Variants in PDZRN4 observed in about 807,000 individuals in gnomAD.
PDZRN4 encodes the protein PDZ domain containing ring finger 4, also known as PDZ domain-containing RING finger protein 4.
Under a neutral mutation model 99.0 loss-of-function variants are expected in PDZRN4, and 70 were observed. The observed-to-expected ratio is 0.71, with a 90% CI of 0.58 to 0.86. The LOEUF is 0.86. Among genes scored for constraint, PDZRN4 ranks in the 40% least tolerant of loss-of-function variants. The pLI is 0.00. For synonymous variants in PDZRN4, 551 were observed against 501.6 expected, an observed-to-expected ratio of 1.10 and a Z score of -1.32; for missense variants, 1,474 against 1,331.2, an observed-to-expected ratio of 1.11 and a Z score of -1.67.
intron 3 of PDZRN4, among the ~76,000 whole-genome samples, chr12:41,245,079 T>G (rs1951126132): frequency 6.6e-6 from 1 of 152,186 alleles, no homozygotes; most frequent in Non-Finnish European, 1.5e-5. Context: ...CCATATAAGA[T>G]AGCATTCCTA....
intron 3 of PDZRN4, among the ~76,000 whole-genome samples, chr12:41,240,645 G>A (rs943574690): frequency 1.3e-5 from 2 of 152,144 alleles, no homozygotes; most frequent in African/African-American, 4.8e-5. Flanking sequence ...TCACAGTTCT[G>A]GAGGCTGGGA....
intron 3 of PDZRN4, among the ~76,000 whole-genome samples, chr12:41,292,040 G>A (rs1565543529): frequency 6.6e-6 from 1 of 152,136 alleles, no homozygotes; most frequent in Non-Finnish European, 1.5e-5. Context: ...TTCATCAGAG[G>A]TGAATCAATT....
chr12:41,385,964 A>G (rs977422595), intron 3 of PDZRN4, among the ~76,000 whole-genome samples: 1 of 152,228 alleles, frequency 6.6e-6, no homozygotes, highest in Non-Finnish European at 1.5e-5. Context: ...AAGCTCATCT[A>G]CCACAATCAA....
chr12:41,278,477 T>C (rs1951363984), intron 3 of PDZRN4, among the ~76,000 whole-genome samples: 1 of 152,174 alleles, frequency 6.6e-6, no homozygotes, highest in Non-Finnish European at 1.5e-5. Context: ...AACGATTACA[T>C]TGAAAGAGCA....
chr12:41,302,935 T>TACACACACAC (rs71846165), intron 3 of PDZRN4, among the ~76,000 whole-genome samples: 17 of 127,226 alleles, frequency 1.3e-4, no homozygotes, highest in African/African-American at 4.3e-4. Flanking sequence ...ATATATAAAA[T>TACACACACAC]ACACACACAC....
chr12:41,449,556 T>G (rs1952757795), intron 3 of PDZRN4, among the ~76,000 whole-genome samples: 2 of 152,280 alleles, frequency 1.3e-5, no homozygotes, highest in South Asian at 4.1e-4. Context: ...GTAATGGATG[T>G]GCACGCAAAT....
intron 3 of PDZRN4, among the ~76,000 whole-genome samples, chr12:41,325,793 A>G (rs1951705682): frequency 6.6e-6 from 1 of 152,204 alleles, no homozygotes; most frequent in Admixed American, 6.5e-5. Flanking sequence ...CATTATTCCC[A>G]ACATGGAACA....
chr12:41,202,864 A>G (rs2120669632), intron 3 of PDZRN4, among the ~76,000 whole-genome samples: 2 of 152,230 alleles, frequency 1.3e-5, no homozygotes, highest in East Asian at 1.9e-4. Context: ...GCAATTTAGT[A>G]TAGAATACCT....
intron 3 of PDZRN4, among the ~76,000 whole-genome samples, chr12:41,282,973 C>G (rs565446311): frequency 7.2e-5 from 11 of 152,120 alleles, no homozygotes; most frequent in Admixed American, 5.9e-4. Flanking sequence ...ACTAGAGAAG[C>G]AAGAGCAAAC....
chr12:41,240,412 T>TA (rs1383479764), intron 3 of PDZRN4, among the ~76,000 whole-genome samples: 1 of 152,220 alleles, frequency 6.6e-6, no homozygotes, highest in Non-Finnish European at 1.5e-5. Flanking sequence ...AGTAAAAAGC[T>TA]AAAATCTAAA....
chr12:41,324,076 G>C (rs1951695602), intron 3 of PDZRN4, among the ~76,000 whole-genome samples: 1 of 151,992 alleles, frequency 6.6e-6, no homozygotes, highest in Non-Finnish European at 1.5e-5. Context: ...ATAGGATGTT[G>C]TTTGTTACAG....
intron 5 of PDZRN4, among the ~76,000 whole-genome samples, chr12:41,510,794 C>T (rs2120685856): frequency 6.6e-6 from 1 of 152,172 alleles, no homozygotes; most frequent in African/African-American, 2.4e-5. Context: ...TCATCTAAAG[C>T]AAATGGACGT....
intron 5 of PDZRN4, among the ~76,000 whole-genome samples, chr12:41,516,773 T>C (rs990046053): frequency 3.3e-5 from 5 of 150,528 alleles, no homozygotes; most frequent in Admixed American, 1.3e-4. Context: ...ATAGCAGCTT[T>C]TTTTTTTTTT....
At chr12:41,282,480 A>C (rs1234325835) in intron 3 of PDZRN4, among the ~76,000 whole-genome samples, 2 of 152,168 alleles carry the variant, frequency 1.3e-5, no homozygotes, top group Admixed American at 6.5e-5. Context: ...GAAAATTAAC[A>C]AGGATATTCG....
At chr12:41,480,283 A>G (rs1937652231) in intron 3 of PDZRN4, among the ~76,000 whole-genome samples, 2 of 152,184 alleles carry the variant, frequency 1.3e-5, no homozygotes, top group African/African-American at 4.8e-5. Flanking sequence ...CAAATCTCAC[A>G]TTAGTTCATT....
At chr12:41,552,564 C>T in intron 5 of PDZRN4, 92 bp from the exon 6 acceptor site, 1 of 917,930 alleles carries the variant, frequency 1.1e-6, no homozygotes, top group East Asian at 2.5e-5. Flanking sequence ...TTAATACTTG[C>T]CAGAGTAACC....
At chr12:41,413,187 A>G (rs1952413078) in intron 3 of PDZRN4, 1 of 152,214 alleles carries the variant, frequency 6.6e-6, no homozygotes. Flanking sequence ...ATTCAGCCAT[A>G]AAAAAGAACA....
At chr12:41,346,903 T>C (rs1951858535) in intron 3 of PDZRN4, among the ~76,000 whole-genome samples, 1 of 152,218 alleles carries the variant, frequency 6.6e-6, no homozygotes, top group Non-Finnish European at 1.5e-5. Flanking sequence ...TCATACAGTA[T>C]ATGGTTGTTT....
At chr12:41,253,296 A>G (rs1220425236) in intron 3 of PDZRN4, among the ~76,000 whole-genome samples, 1 of 152,206 alleles carries the variant, frequency 6.6e-6, no homozygotes, top group Non-Finnish European at 1.5e-5. Context: ...GTAGTTTCAT[A>G]GTTTCAGGAT....
Sources: gnomAD v4.1 joint callset for allele counts (sites outside exome capture counted in the v4.1 genomes callset) on GRCh38, gnomAD v4.1.1 for gene constraint, MANE v1.5 for transcripts, NCBI Gene and HGNC (gene_info 2026-07-23, HGNC 2026-07-21) for gene names.